The following SAFB variants were observed in gnomAD, a reference collection of about 807,000 sequenced individuals.
The protein encoded by SAFB is scaffold attachment factor B, also known as scaffold attachment factor B1.
In SAFB, 15 loss-of-function variants were observed where a neutral mutation model predicts 101.6. That is an observed-to-expected ratio of 0.15 (90% CI 0.10 to 0.23). The LOEUF is 0.23. SAFB is among the 10% of genes least tolerant of loss of function. The pLI, the probability that SAFB is intolerant of heterozygous loss-of-function variation, is 1.00. For synonymous variants in SAFB, 449 were observed against 407.5 expected, an observed-to-expected ratio of 1.10 and a Z score of -1.23; for missense variants, 930 against 1,104.1, an observed-to-expected ratio of 0.84 and a Z score of 2.23.
At chr19:5,627,615 G>A (rs1392845096) in intron 2 of SAFB, among the ~76,000 whole-genome samples, 2 of 152,034 alleles carry the variant, frequency 1.3e-5, no homozygotes, top group African/African-American at 2.4e-5. Context: ...CCATCTTACC[G>A]AAATCTCTCT....
intron 2 of SAFB, among the ~76,000 whole-genome samples, chr19:5,626,932 T>C: frequency 6.6e-6 from 1 of 152,012 alleles, no homozygotes; most frequent in Non-Finnish European, 1.5e-5. Flanking sequence ...TGGTCCCAGC[T>C]GCTTGGGAGG....
intron 14 of SAFB, among the ~76,000 whole-genome samples, chr19:5,657,821 G>A (rs904649273): frequency 6.6e-6 from 1 of 151,696 alleles, no homozygotes; most frequent in African/African-American, 2.4e-5. Context: ...CACTGCACCC[G>A]GCCTACTTAC....
In SAFB at chr19:5,661,783, G is replaced by A; in HGVS notation, c.2128G>A (p.Val710Met). Residue 710 changes from valine to methionine, a missense_variant, in exon 15 of 21, where the codon GTG becomes ATG. Coordinates refer to ENST00000588852, the MANE Select transcript of SAFB (RefSeq NM_001201338.2). ...LRYEQERRPAVRRPYDLDRRD... is the reference protein window; with the variant it reads ...LRYEQERRPAMRRPYDLDRRD... ...CTATGAGCAGGAGCGGCGGCCCGCG[G>A]TGCGGCGGCCCTACGACCTGGACCG... 6.4e-7 allele frequency: 1 copy of A among 1,559,168 alleles called. No individual in the cohort carries two copies. Among genetic ancestry groups the A allele is most frequent in the Non-Finnish European group, 8.7e-7 (1 of 1,154,122 alleles).
chr19:5,667,521 C>G lies in SAFB; in HGVS notation c.2557+71C>G. ...TGGAAAGATGGAGGCCGCGCCTTCT[C>G]TCCTTGGGGGAGCACAGGAGGTGCT... is the stretch of plus-strand genomic sequence containing the variant. On this transcript the variant is annotated intron_variant, in intron 19 of 20. Transcript: ENST00000588852. This position sits in a 1 kb window ranked among gnomAD's most constrained non-coding sequence, Gnocchi z 4.0. 1 of 1,113,758 alleles carries G rather than the reference C, an allele frequency of 9.0e-7. No homozygotes were observed. Among genetic ancestry groups the G allele is most frequent in the Non-Finnish European group, 1.3e-6 (1 of 774,880 alleles). 69.0% of individuals were successfully genotyped at this position (1,113,758 alleles called of 1,614,324 possible).
chr19:5,662,672 G>A (rs1181048185), intron 15 of SAFB, among the ~76,000 whole-genome samples: 1 of 142,630 alleles, frequency 7.0e-6, no homozygotes, highest in African/African-American at 2.6e-5. Context: ...ATAGAGTCTC[G>A]CTCTGTTGCC....
At position 5,664,445 on chromosome 19, in the gene SAFB, T is replaced by C. The variant is rs1251955417; in HGVS notation, c.2334+6T>C. On this transcript the variant is annotated splice_donor_region_variant and intron_variant, in intron 17 of 20. Transcript: ENST00000588852. ...TGGGAGAACGAGAAGGACAGGTAAG[T>C]CTGAAGCTACAGTGGTAGCCACAGA... 14 of 1,610,918 alleles carry C rather than the reference T, an allele frequency of 8.7e-6. No homozygotes were observed. Among genetic ancestry groups the C allele is most frequent in the Admixed American group, 1.7e-5 (1 of 59,998 alleles).
intron 13 of SAFB, among the ~76,000 whole-genome samples, 178 bp from the exon 14 acceptor site, chr19:5,657,063 G>A (rs756947710): frequency 3.9e-5 from 6 of 151,990 alleles, no homozygotes; most frequent in Non-Finnish European, 5.9e-5. Context: ...GAGCCACTGC[G>A]CCCGGCAATT....
In SAFB at chr19:5,623,145, G is replaced by C. The variant is rs965547479; in HGVS notation, c.-61G>C. 1.1e-5 allele frequency: 17 copies of C among 1,507,962 alleles called. No homozygotes were observed. Among genetic ancestry groups the C allele is most frequent in the Non-Finnish European group, 1.4e-5 (16 of 1,113,046 alleles). The allele number at this position is 1,507,962 out of a possible 1,614,324, so 93.4% of individuals were successfully genotyped here. The stretch of plus-strand genomic sequence containing the variant: ...TCGCAGGCGGCGCCATTTTGTGCTA[G>C]GAGCCTGATAAAACCGGCCCGGTTC... On this transcript the variant is annotated 5_prime_UTR_variant, in exon 1 of 21. Transcript: ENST00000588852.
chr19:5,663,988 G>T lies in SAFB; in HGVS notation c.2154-34G>T, dbSNP rs199731293. 4.8e-5 allele frequency: 77 copies of T among 1,604,914 alleles called. No homozygotes were observed. The East Asian group carries it at 1.7e-3, about 35-fold the overall frequency. ...GGTGATAGATACATTTGGGGTGGGG[G>T]ATCCCTCTATCTCTGTCTCATGTCC... is the stretch of plus-strand genomic sequence containing the variant. On this transcript the variant is annotated intron_variant, in intron 15 of 20. Transcript: ENST00000588852.
intron 4 of SAFB, among the ~76,000 whole-genome samples, chr19:5,644,487 G>A (rs1360627774): frequency 1.3e-5 from 2 of 152,338 alleles, no homozygotes; most frequent in East Asian, 3.9e-4. Flanking sequence ...ACTTAAACAC[G>A]TGTGTAGCAT....
At chr19:5,623,571 C>T (rs1599299422) in intron 1 of SAFB, among the ~76,000 whole-genome samples, 177 bp downstream of exon 1, 1 of 152,136 alleles carries the variant, frequency 6.6e-6, no homozygotes, top group Non-Finnish European at 1.5e-5. Flanking sequence ...GCCGGCTGGG[C>T]CTGGGTTCAA....
intron 4 of SAFB, 68 bp downstream of exon 4, chr19:5,642,014 C>A: frequency 7.9e-7 from 1 of 1,260,420 alleles, no homozygotes; most frequent in Non-Finnish European, 1.2e-6. Flanking sequence ...AATAGGTGAT[C>A]AGTTTCATAT....
chr19:5,658,524 C>G (rs969759216), intron 14 of SAFB, among the ~76,000 whole-genome samples: 10 of 152,074 alleles, frequency 6.6e-5, no homozygotes, highest in African/African-American at 2.4e-4. Context: ...GAAACGCAGT[C>G]TCTACTAAAA....
rs1250600838 is a variant in SAFB at position 5,667,706 on chromosome 19, C to T, written c.2558-114C>T. ...TGTGCCCAGGTGTCTTCCTGGGACC[C>T]GCTAGTTGTGGGTACCTGGGGGCCT... On this transcript the variant is annotated intron_variant, in intron 19 of 20. Coordinates refer to ENST00000588852, the MANE Select transcript of SAFB (RefSeq NM_001201338.2). The surrounding 1 kb of genome is among the most constrained non-coding windows in gnomAD (Gnocchi z 4.0). 11 of 1,006,618 alleles carry T rather than the reference C, an allele frequency of 1.1e-5. No homozygotes were observed. Among genetic ancestry groups the T allele is most frequent in the East Asian group, 2.6e-5 (1 of 38,898 alleles). 62.4% of individuals were successfully genotyped at this position (1,006,618 alleles called of 1,614,324 possible).
Position 5,662,106 on chromosome 19 carries a change from C to CT in SAFB, c.2153+299dup, listed in dbSNP as rs1319913355. ...TTCACTGTGTTAGCCAGGATGGTCT[C>CT]TATCTCCTGACCTCGTGATCCACCT... On this transcript the variant is annotated intron_variant, in intron 15 of 20. Transcript: ENST00000588852. 2.0e-5 allele frequency among the ~76,000 whole-genome samples: 3 copies of CT among 152,208 alleles called. No homozygotes were observed. In the East Asian group the frequency reaches 5.8e-4, roughly 30 times the overall value.
chr19:5,668,227 G>A lies in SAFB; in HGVS notation c.2690G>A (p.Gly897Asp). Reference protein sequence around the residue: ...GHPIPHGGMQGGFGGQSRGSR... With the variant: ...GHPIPHGGMQDGFGGQSRGSR... ...CCCATCCCACACGGTGGCATGCAGG[G>A]CGGGTTTGGAGGCCAGAGCCGGGGG... is the stretch of plus-strand genomic sequence containing the variant. The change falls in exon 21 of 21, where the codon GGC becomes GAC. Residue 897 changes from glycine to aspartate, a missense_variant. Physicochemically the swap from Gly to Asp is moderately conservative, Grantham distance 94. Around this residue, in one of 7 missense-constraint regions of SAFB, gnomAD observed 318 missense variants for 342.6 expected, o/e 0.93. Transcript: ENST00000588852. 1 of 1,610,640 alleles carries A rather than the reference G, an allele frequency of 6.2e-7. No homozygotes were observed. The highest frequency in any genetic ancestry group is 8.5e-7 in the Non-Finnish European group (1 of 1,179,248).
rs750305128 is a variant in SAFB at position 5,648,001 on chromosome 19, C to T, written c.610-15C>T. The T allele has an allele frequency of 1.2e-5, 20 of 1,610,220 alleles. No homozygotes were observed. The highest frequency in any genetic ancestry group is 2.7e-5 in the African/African-American group (2 of 74,814). ...CATTCATCTGGCACAGTCTTATTTACGTTTTTTCTTGCAGGAAATTGAAGA... is the reference window on the plus strand; with the variant it reads ...CATTCATCTGGCACAGTCTTATTTATGTTTTTTCTTGCAGGAAATTGAAGA... On this transcript the variant is annotated splice_polypyrimidine_tract_variant and intron_variant, in intron 5 of 20. Transcript: ENST00000588852.
chr19:5,649,257 C>T lies in SAFB; in HGVS notation c.906C>T (p.Gly302=). 5.7e-6 allele frequency: 2 copies of T among 352,074 alleles called. No homozygotes were observed. The highest frequency in any genetic ancestry group is 9.1e-5 in the African/African-American group (1 of 11,026). The allele number at this position is 352,074 out of a possible 1,614,324, so 21.8% of individuals were successfully genotyped here. Residue 302 remains glycine (G), a synonymous_variant, in exon 7 of 21, where the codon GGC becomes GGT. Transcript: ENST00000588852. ...VVKREPAEQP[G]DGERTDCEPV... ...AAAGGGAGCCCGCGGAGCAGCCAGG[C>T]GATGGCGAGAGGACGGACTGTGAGC... is the stretch of plus-strand genomic sequence containing the variant.
chr19:5,664,251 C>A, intron 16 of SAFB, 92 bp downstream of exon 16: 1 of 1,470,448 alleles, frequency 6.8e-7, no homozygotes, highest in East Asian at 2.3e-5. Flanking sequence ...GAACCCACTC[C>A]GTTCATCAGA....
Sources: allele counts gnomAD v4.1 joint callset (sites outside exome capture counted in the v4.1 genomes callset), GRCh38; gene constraint gnomAD v4.1.1; regional missense constraint gnomAD v4.1.1; non-coding constraint Gnocchi (gnomAD v3.1); transcripts MANE v1.5; gene names NCBI Gene and HGNC (gene_info 2026-07-23, HGNC 2026-07-21).